The following RNGTT variants were observed in gnomAD, a reference collection of about 807,000 sequenced individuals.
The protein encoded by RNGTT is RNA guanylyltransferase and 5'-phosphatase, also known as mRNA-capping enzyme.
Under a neutral mutation model 79.3 loss-of-function variants are expected in RNGTT, and 33 were observed. The observed-to-expected ratio is 0.42, with a 90% confidence interval of 0.32 to 0.56. The LOEUF is 0.56. RNGTT is among the 20% of genes least tolerant of loss of function. RNGTT has a pLI of 0.17. For synonymous variants in RNGTT, 222 were observed against 235.9 expected (o/e 0.94, Z 0.54); for missense variants, 497 against 739.1 (o/e 0.67, Z 3.80).
Position 88,644,045 on chromosome 6 carries a change from A to AG in RNGTT, c.1507-29651_1507-29650insC, listed in dbSNP as rs1773431224. Among the ~76,000 whole-genome samples, 2 of 152,226 alleles carry AG rather than the reference A, an allele frequency of 1.3e-5. 1 individual carries two copies. Among genetic ancestry groups the AG allele is most frequent in the South Asian group, 4.1e-4 (2 of 4,832 alleles). On this transcript the variant is annotated intron_variant, in intron 14 of 15. Transcript: ENST00000369485. ...GATAGAGACAAAAAACCCTTCAAAA[A>AG]AATCAATGAATCCAGGAGCTGGTTT...
intron 13 of RNGTT, among the ~76,000 whole-genome samples, chr6:88,727,590 A>C (rs1776961245): frequency 6.6e-6 from 1 of 152,232 alleles, no homozygotes; most frequent in Admixed American, 6.5e-5. Flanking sequence ...AGGTTTTATT[A>C]AAATTGAGTT....
intron 11 of RNGTT, among the ~76,000 whole-genome samples, chr6:88,836,218 T>C (rs1311100536): frequency 6.6e-6 from 1 of 151,006 alleles, no homozygotes; most frequent in African/African-American, 2.4e-5. Flanking sequence ...TGAAATGACA[T>C]ATGAATGAGA....
At chr6:88,760,236 T>C (rs956511407) in intron 13 of RNGTT, among the ~76,000 whole-genome samples, 1 of 152,170 alleles carries the variant, frequency 6.6e-6, no homozygotes, top group African/African-American at 2.4e-5. Flanking sequence ...ATGTTGGTTT[T>C]TGGTAAGCGG....
At chr6:88,929,915 TAC>T (rs565454013) in intron 2 of RNGTT, among the ~76,000 whole-genome samples, 6 of 146,800 alleles carry the variant, frequency 4.1e-5, no homozygotes, top group African/African-American at 1.6e-4. Flanking sequence ...TATGCATATA[TAC>T]ACGTATATAC....
chr6:88,663,644 A>G (rs1345030484), intron 14 of RNGTT, among the ~76,000 whole-genome samples: 2 of 152,146 alleles, frequency 1.3e-5, no homozygotes, highest in Non-Finnish European at 2.9e-5. Flanking sequence ...GAGGCTCCCC[A>G]CATCGAAGCC....
chr6:88,739,724 A>ATTAT lies in RNGTT; in HGVS notation c.1439+30046_1439+30049dup, dbSNP rs1461079560. Among the ~76,000 whole-genome samples the ATTAT allele has an allele frequency of 2.8e-3, 145 of 52,412 alleles. 1 individual carries two copies. Among genetic ancestry groups the ATTAT allele is most frequent in the African/African-American group, 9.1e-3 (138 of 15,170 alleles). 34.4% of individuals were successfully genotyped at this position (52,412 alleles called of 152,430 possible). A position where few individuals can be genotyped will look rare whatever the true frequency, so the allele number is the denominator to read the frequency against. On this transcript the variant is annotated intron_variant, in intron 13 of 15. Transcript: ENST00000369485. ...CTCCCGTGTAACTGGTGTGAAAAAA[A>ATTAT]TTATATATATATATATATATATATA...
chr6:88,619,840 G>A (rs1354666445), intron 14 of RNGTT, among the ~76,000 whole-genome samples: 1 of 152,096 alleles, frequency 6.6e-6, no homozygotes, highest in Admixed American at 6.6e-5. Context: ...TATGAAGGCA[G>A]AGAAAATAAA....
At chr6:88,796,234 T>C (rs1269210394) in intron 12 of RNGTT, among the ~76,000 whole-genome samples, 2 of 152,234 alleles carry the variant, frequency 1.3e-5, no homozygotes, top group Admixed American at 6.5e-5. Context: ...TTTTTCTTAA[T>C]GTGGCAACTA....
chr6:88,870,199 G>T (rs1319707123), intron 8 of RNGTT, among the ~76,000 whole-genome samples: 2 of 152,020 alleles, frequency 1.3e-5, no homozygotes, highest in African/African-American at 4.8e-5. Flanking sequence ...CTCATTTTCT[G>T]ATTTCTTTAC....
chr6:88,906,324 T>A, intron 5 of RNGTT, 41 bp downstream of exon 5: 1 of 1,327,930 alleles, frequency 7.5e-7, no homozygotes, highest in Non-Finnish European at 1.0e-6. Flanking sequence ...TAAAATTTTT[T>A]ATTACAAAAT....
At chr6:88,912,027 G>C (rs772543311) in intron 4 of RNGTT, among the ~76,000 whole-genome samples, 4 of 152,126 alleles carry the variant, frequency 2.6e-5, no homozygotes, top group Non-Finnish European at 4.4e-5. Context: ...AGGCTGCAGT[G>C]AGCAGAGATT....
chr6:88,902,117 G>A (rs1419519152), intron 6 of RNGTT, among the ~76,000 whole-genome samples: 1 of 152,012 alleles, frequency 6.6e-6, no homozygotes, highest in Non-Finnish European at 1.5e-5. Flanking sequence ...GAGCCCAGAA[G>A]TTCAAAGTAC....
At chr6:88,893,172 G>T (rs567235396) in intron 6 of RNGTT, among the ~76,000 whole-genome samples, 1 of 152,188 alleles carries the variant, frequency 6.6e-6, no homozygotes, top group Admixed American at 6.5e-5. Context: ...GATGAGGTTT[G>T]TAACATATTT....
chr6:88,651,177 C>T (rs1423099026), intron 14 of RNGTT, among the ~76,000 whole-genome samples: 2 of 151,962 alleles, frequency 1.3e-5, no homozygotes, highest in Non-Finnish European at 2.9e-5. Context: ...AACCACATCC[C>T]TTTGGTCAAG....
intron 14 of RNGTT, among the ~76,000 whole-genome samples, chr6:88,673,565 G>T (rs181080611): frequency 4.6e-4 from 70 of 152,218 alleles, no homozygotes; most frequent in African/African-American, 1.7e-3. Context: ...TTTTAACAGT[G>T]AATGAAAGAA....
At chr6:88,659,662 G>T (rs1387446570) in intron 14 of RNGTT, among the ~76,000 whole-genome samples, 2 of 151,648 alleles carry the variant, frequency 1.3e-5, no homozygotes, top group Admixed American at 6.6e-5. Context: ...ATGTTAAAAT[G>T]ACCAAACATA....
At position 88,862,166 on chromosome 6, in the gene RNGTT, A is replaced by T. The variant is rs9353627; in HGVS notation, c.897-8402T>A. On this transcript the variant is annotated intron_variant, in intron 8 of 15. Coordinates refer to ENST00000369485, the MANE Select transcript of RNGTT (RefSeq NM_003800.5). ...AAACACCAAAATGATGCTTTCTTGT[A>T]TATTAATGAGTTGACTGATGGTTGG... is the stretch of plus-strand genomic sequence containing the variant. 2.6e-5 allele frequency among the ~76,000 whole-genome samples: 4 copies of T among 152,276 alleles called. No homozygotes were observed. The South Asian group carries it at 8.3e-4, about 32-fold the overall frequency.
chr6:88,765,825 C>T (rs778611074), intron 13 of RNGTT, among the ~76,000 whole-genome samples: 5 of 152,214 alleles, frequency 3.3e-5, no homozygotes, highest in African/African-American at 4.8e-5. Context: ...TGAAAAGTTA[C>T]TGACTTTGCT....
chr6:88,771,299 A>ATGTGTG (rs1357112734), intron 12 of RNGTT, among the ~76,000 whole-genome samples: 1 of 70,724 alleles, frequency 1.4e-5, no homozygotes, highest in African/African-American at 5.1e-5. Flanking sequence ...GACTGTATGT[A>ATGTGTG]TGTATGTGTG....
Sources: allele counts gnomAD v4.1 joint callset (sites outside exome capture counted in the v4.1 genomes callset), GRCh38; gene constraint gnomAD v4.1.1; transcripts MANE v1.5; gene names NCBI Gene and HGNC (gene_info 2026-07-23, HGNC 2026-07-21).